IGSF9B: variants seen among roughly 807,000 people sequenced by gnomAD.
The protein encoded by IGSF9B is protein turtle homolog B.
In IGSF9B, 48 loss-of-function variants were observed where a neutral mutation model predicts 143.7. The ratio of observed to expected loss-of-function variants is 0.33; its 90% CI spans 0.26 to 0.42. IGSF9B has a LOEUF of 0.42. IGSF9B is among the 20% of genes least tolerant of loss of function. IGSF9B has a pLI of 1.00. For missense variants in IGSF9B, 1,706 were observed against 1,980.0 expected, an observed-to-expected ratio of 0.86 and a Z score of 2.63; for synonymous variants, 903 against 833.1, an observed-to-expected ratio of 1.08 and a Z score of -1.44.
Position 133,931,607 on chromosome 11 carries a change from G to A in IGSF9B, c.1252-38C>T. 1.9e-6 allele frequency: 3 copies of A among 1,609,312 alleles called. No individual in the cohort carries two copies. The highest frequency in any genetic ancestry group is 2.5e-6 in the Non-Finnish European group (3 of 1,176,876). On this transcript the variant is annotated intron_variant, in intron 9 of 19. Coordinates refer to ENST00000533871, the MANE Select transcript of IGSF9B (RefSeq NM_001277285.4). This position sits in a 1 kb window ranked among gnomAD's most constrained non-coding sequence, Gnocchi z 7.7. ...GCACAGGCACCCTCGTGAGGCCGGG[G>A]ATCCAGGTGCCCAGCTCATGGAGGC... is the stretch of plus-strand genomic sequence containing the variant.
In IGSF9B at chr11:133,920,357, T is replaced by C; in HGVS notation, c.3368A>G (p.Asp1123Gly). ...VPAPPAAKWQ[D>G]RPMQPLVSQG... ...GCTTACCAGAGGTTGCATAGGTCTG[T>C]CCTGCCACTTGGCGGCGGGGGGCGC... The change falls in exon 18 of 20, where the codon GAC becomes GGC. Residue 1123 changes from aspartate (D) to glycine (G), a missense_variant. Asp to Gly is a moderately conservative substitution (Grantham distance 94, BLOSUM62 -1). Transcript: ENST00000533871. The C allele has an allele frequency of 2.5e-6, 4 of 1,605,186 alleles. No individual in the cohort carries two copies. The highest frequency in any genetic ancestry group is 3.4e-6 in the Non-Finnish European group (4 of 1,176,188).
Position 133,901,882 on chromosome 11 carries a change from ACACACACAACACACACACAACACAC to A in IGSF9B, c.*7162_*7186del, listed in dbSNP as rs1939129097. On this transcript the variant is annotated 3_prime_UTR_variant, in exon 20 of 20. Coordinates refer to ENST00000533871, the MANE Select transcript of IGSF9B (RefSeq NM_001277285.4). ...CACACGCACCACACACGCACCACAC[ACACACACAACACACACACAACACAC>A]CACACACAACACACACCAAACCACA... is the stretch of plus-strand genomic sequence containing the variant. Among the ~76,000 whole-genome samples, 1 of 146,212 alleles carries A rather than the reference ACACACACAACACACACACAACACAC, an allele frequency of 6.8e-6. No individual in the cohort carries two copies. Among genetic ancestry groups the A allele is most frequent in the Admixed American group, 6.8e-5 (1 of 14,652 alleles).
chr11:133,951,638 G>A (rs1940160389), intron 1 of IGSF9B, among the ~76,000 whole-genome samples: 4 of 152,322 alleles, frequency 2.6e-5, no homozygotes, highest in Admixed American at 2.6e-4. Flanking sequence ...TTCAATCTCT[G>A]CTCCACTCCT....
chr11:133,934,699 G>A (rs985258846), intron 7 of IGSF9B, among the ~76,000 whole-genome samples: 5 of 152,114 alleles, frequency 3.3e-5, no homozygotes, highest in African/African-American at 1.2e-4. Flanking sequence ...GCTCTGGGCA[G>A]CAGTCGGACC....
intron 18 of IGSF9B, among the ~76,000 whole-genome samples, chr11:133,918,589 CG>C (rs1158521878): frequency 1.3e-5 from 2 of 151,928 alleles, no homozygotes; most frequent in East Asian, 1.9e-4. Flanking sequence ...CTTCCTCGGC[CG>C]GCCCCGGAGC....
chr11:133,955,696 G>T (rs1226336740), intron 1 of IGSF9B, among the ~76,000 whole-genome samples: 1 of 152,206 alleles, frequency 6.6e-6, no homozygotes, highest in African/African-American at 2.4e-5. Flanking sequence ...TTCCATACAA[G>T]GGCCGAGAGC....
rs541733998 is a variant in IGSF9B at position 133,937,243 on chromosome 11, G to A, written c.679+133C>T. On this transcript the variant is annotated intron_variant, in intron 5 of 19. Transcript: ENST00000533871. ...GCAGCAGGCAGCACACAGGAGCCCC[G>A]CACAGGTCCTCATGGCCGCCTGCAC... 15 of 639,176 alleles carry A rather than the reference G, an allele frequency of 2.3e-5. No homozygotes were observed. The East Asian group carries it at 3.1e-4, about 13-fold the overall frequency. The allele number at this position is 639,176 out of a possible 1,614,324, so 39.6% of individuals were successfully genotyped here.
In IGSF9B at chr11:133,956,739, C is replaced by T; in HGVS notation, c.16G>A (p.Ala6Thr). 1 of 1,541,330 alleles carries T rather than the reference C, an allele frequency of 6.5e-7. No homozygotes were observed. The highest frequency in any genetic ancestry group is 8.7e-7 in the Non-Finnish European group (1 of 1,145,128). Residue 6 changes from alanine to threonine, a missense_variant, in exon 1 of 20, where the codon GCC (alanine) becomes ACC (threonine). Physicochemically the swap from Ala to Thr is moderately conservative, Grantham distance 58 (BLOSUM62 0). Around this residue, in one of 7 missense-constraint regions of IGSF9B, gnomAD observed 171 missense variants for 213.9 expected, o/e 0.80. Transcript: ENST00000533871. The stretch of plus-strand genomic sequence containing the variant: ...CCGATCACACTTGCTATGAAAGTGG[C>T]CACATACCAAATCATAGTACTACCG... MIWYVATFIASVIGTR... is the reference protein window; with the variant it reads MIWYVTTFIASVIGTR...
At chr11:133,946,348 GCCC>G (rs1292255064) in intron 1 of IGSF9B, 90 bp from the exon 2 acceptor site, 10 of 1,146,160 alleles carry the variant, frequency 8.7e-6, no homozygotes, top group African/African-American at 1.5e-5. Context: ...GGGTCACCCC[GCCC>G]CCCACCAGCT....
Position 133,902,033 on chromosome 11 carries a change from A to T in IGSF9B, c.*7036T>A, listed in dbSNP as rs1939137387. Among the ~76,000 whole-genome samples the T allele has an allele frequency of 7.0e-6, 1 of 143,628 alleles. No individual in the cohort carries two copies. The highest frequency in any genetic ancestry group is 2.2e-4 in the South Asian group (1 of 4,624). 94.2% of individuals were successfully genotyped at this position (143,628 alleles called of 152,430 possible). On this transcript the variant is annotated 3_prime_UTR_variant, in exon 20 of 20. Transcript: ENST00000533871. The stretch of plus-strand genomic sequence containing the variant: ...ACCAGACATACACACACCATACCAC[A>T]CACCACACCCACACACAATACACAC...
chr11:133,917,959 G>A (rs934964349), intron 18 of IGSF9B, among the ~76,000 whole-genome samples: 11 of 151,796 alleles, frequency 7.2e-5, no homozygotes, highest in Non-Finnish European at 1.3e-4. Context: ...TTCTGTGGGA[G>A]GCCCTGGGTG....
intron 15 of IGSF9B, among the ~76,000 whole-genome samples, chr11:133,924,575 C>A (rs1209391687): frequency 6.6e-6 from 1 of 152,160 alleles, no homozygotes; most frequent in African/African-American, 2.4e-5. Context: ...AGTTGAATTT[C>A]TTTCTGTGGC....
chr11:133,944,907 C>G (rs980908677), intron 2 of IGSF9B, among the ~76,000 whole-genome samples: 3 of 152,122 alleles, frequency 2.0e-5, no homozygotes, highest in African/African-American at 7.2e-5. Context: ...AGGGTCCCCT[C>G]CCAGTCCTGC....
Position 133,905,387 on chromosome 11 carries a change from T to C in IGSF9B, c.*3682A>G, listed in dbSNP as rs925995126. Among the ~76,000 whole-genome samples, 4 of 152,002 alleles carry C rather than the reference T, an allele frequency of 2.6e-5. No individual in the cohort carries two copies. The highest frequency in any genetic ancestry group is 2.6e-4 in the Admixed American group (4 of 15,252). ...GTGAAATCTGTTTCTCCCTAGAAGC[T>C]ACTGTTTCGTCAACCTTGTCCCCCA... is the stretch of plus-strand genomic sequence containing the variant. On this transcript the variant is annotated 3_prime_UTR_variant, in exon 20 of 20. Transcript: ENST00000533871. The surrounding 1 kb of genome is among the most constrained non-coding windows in gnomAD (Gnocchi z 4.0).
rs1939120377 is a variant in IGSF9B at position 133,901,573 on chromosome 11, C to T, written c.*7496G>A. The stretch of plus-strand genomic sequence containing the variant: ...CCACGATTGCATCTGATCCTTGCCT[C>T]CCACATACATTCCCCTCTCTCCTTA... On this transcript the variant is annotated 3_prime_UTR_variant, in exon 20 of 20. Transcript: ENST00000533871. The T allele has an allele frequency of 6.6e-6, 1 of 152,240 alleles. No homozygotes were observed. Among genetic ancestry groups the T allele is most frequent in the Non-Finnish European group, 1.5e-5 (1 of 68,026 alleles). The allele number at this position is 152,240 out of a possible 1,614,324, so 9.4% of individuals were successfully genotyped here. A position where few individuals can be genotyped will look rare whatever the true frequency, so the allele number is the denominator to read the frequency against.
Position 133,909,213 on chromosome 11 carries a change from G to A in IGSF9B, c.4170C>T (p.Val1390=), listed in dbSNP as rs1476059317. The change falls in exon 20 of 20, where the codon GTC becomes GTT. Residue 1390 remains valine, a synonymous_variant. Transcript: ENST00000533871. The surrounding 1 kb of genome is among the most constrained non-coding windows in gnomAD (Gnocchi z 4.2). The part of the protein sequence containing the change: ...NSQVLWPDEA[V]CLRKKKRHSR... ...AATGTCTCTTCTTCTTTCGGAGGCA[G>A]ACAGCTTCATCGGGCCACAGAACCT... is the stretch of plus-strand genomic sequence containing the variant. 2 of 1,535,906 alleles carry A rather than the reference G, an allele frequency of 1.3e-6. No homozygotes were observed. Among genetic ancestry groups the A allele is most frequent in the Admixed American group, 2.0e-5 (1 of 50,992 alleles).
chr11:133,945,119 G>A lies in IGSF9B; in HGVS notation c.263-753C>T, dbSNP rs529684482. 6.6e-6 allele frequency among the ~76,000 whole-genome samples: 1 copy of A among 152,300 alleles called. No individual in the cohort carries two copies. Among genetic ancestry groups the A allele is most frequent in the East Asian group, 1.9e-4 (1 of 5,172 alleles). On this transcript the variant is annotated intron_variant, in intron 2 of 19. Coordinates refer to ENST00000533871, the MANE Select transcript of IGSF9B (RefSeq NM_001277285.4). This position sits in a 1 kb window ranked among gnomAD's most constrained non-coding sequence, Gnocchi z 4.6. ...ATGTGGCAATGAGGAGGCCAGAGGT[G>A]CAGAAGCCTCTTCCATGACGCCAGC... is the stretch of plus-strand genomic sequence containing the variant.
Position 133,928,828 on chromosome 11 carries a change from TGCA to T in IGSF9B, c.1631+840_1631+842del, listed in dbSNP as rs1939674939. Reference sequence around the variant, plus strand: ...GGTTTGCGCAAAGACCTCATATGACTGCATCTGGCTAAACTGACAACAGAGGAA... The same window carrying T: ...GGTTTGCGCAAAGACCTCATATGACTTCTGGCTAAACTGACAACAGAGGAA... On this transcript the variant is annotated intron_variant, in intron 12 of 19. Coordinates refer to ENST00000533871, the MANE Select transcript of IGSF9B (RefSeq NM_001277285.4). The surrounding 1 kb of genome is among the most constrained non-coding windows in gnomAD (Gnocchi z 4.7). Among the ~76,000 whole-genome samples, 1 of 152,146 alleles carries T rather than the reference TGCA, an allele frequency of 6.6e-6. No homozygotes were observed. Among genetic ancestry groups the T allele is most frequent in the African/African-American group, 2.4e-5 (1 of 41,434 alleles).
rs1416283163 is a variant in IGSF9B at position 133,898,291 on chromosome 11, G to A, written c.*10778C>T. 1.3e-5 allele frequency: 2 copies of A among 152,376 alleles called. No individual in the cohort carries two copies. Among genetic ancestry groups the A allele is most frequent in the Admixed American group, 6.5e-5 (1 of 15,288 alleles). The allele number at this position is 152,376 out of a possible 1,614,324, so 9.4% of individuals were successfully genotyped here. A position where few individuals can be genotyped will look rare whatever the true frequency, so the allele number is the denominator to read the frequency against. On this transcript the variant is annotated 3_prime_UTR_variant, in exon 20 of 20. Coordinates refer to ENST00000533871, the MANE Select transcript of IGSF9B (RefSeq NM_001277285.4). Reference sequence around the variant, plus strand: ...AAAAGAAGAACTACAGCAAGAGGCTGCCGCGCACCGAGAGGTACAGAGTTT... The same window carrying A: ...AAAAGAAGAACTACAGCAAGAGGCTACCGCGCACCGAGAGGTACAGAGTTT...
Sources: gnomAD v4.1 joint callset for allele counts (sites outside exome capture counted in the v4.1 genomes callset) on GRCh38, gnomAD v4.1.1 for gene constraint, gnomAD v4.1.1 regional missense constraint, Gnocchi (gnomAD v3.1) non-coding constraint, MANE v1.5 for transcripts, NCBI Gene and HGNC (gene_info 2026-07-23, HGNC 2026-07-21) for gene names.